PDE4A: variants seen among roughly 807,000 people sequenced by gnomAD.
The protein encoded by PDE4A is phosphodiesterase 4A, also known as 3',5'-cyclic-AMP phosphodiesterase 4A.
A neutral mutation model predicts 73.9 loss-of-function variants in PDE4A; 21 were observed. The observed-to-expected ratio is 0.28, with a 90% CI of 0.20 to 0.41. The LOEUF is 0.41. PDE4A is among the 10% of genes least tolerant of loss of function. The pLI, the probability that PDE4A is intolerant of heterozygous loss-of-function variation, is 1.00. For synonymous variants in PDE4A, 463 were observed against 505.4 expected (o/e 0.92, Z 1.13); for missense variants, 958 against 1,211.4 (o/e 0.79, Z 3.10).
At chr19:10,459,220 G>C in intron 8 of PDE4A, 180 bp from the exon 9 acceptor site, 1 of 1,050,692 alleles carries the variant, frequency 9.5e-7, no homozygotes, top group Non-Finnish European at 1.3e-6. Flanking sequence ...GGCTGTGATT[G>C]CTTTCGCTAT....
chr19:10,461,090 C>T lies in PDE4A; in HGVS notation c.1452C>T (p.Phe484=). The T allele has an allele frequency of 6.2e-7, 1 of 1,612,754 alleles. No homozygotes were observed. The highest frequency in any genetic ancestry group is 2.2e-5 in the East Asian group (1 of 44,794). The part of the protein sequence containing the change: ...DVDHPGVSNQ[F]LINTNSELAL... The stretch of plus-strand genomic sequence containing the variant: ...ATCACCCTGGGGTCTCCAACCAGTT[C>T]CTCATCAACACCAGTGAGTGGCCCT... The change falls in exon 11 of 15, where the codon TTC becomes TTT. Residue 484 remains phenylalanine (F), a synonymous_variant. Transcript: ENST00000380702.
At chr19:10,442,652 A>G (rs1237288985) in intron 1 of PDE4A, among the ~76,000 whole-genome samples, 1 of 151,814 alleles carries the variant, frequency 6.6e-6, no homozygotes, top group Non-Finnish European at 1.5e-5. Flanking sequence ...GTTACAGACT[A>G]TCCTGGGCAA....
At position 10,469,354 on chromosome 19, in the gene PDE4A, A is replaced by G. The variant is rs577036219; in HGVS notation, c.*1733A>G. The G allele has an allele frequency of 2.6e-5, 4 of 152,334 alleles. No homozygotes were observed. Among genetic ancestry groups the G allele is most frequent in the African/African-American group, 9.6e-5 (4 of 41,522 alleles). The allele number at this position is 152,334 out of a possible 1,614,324, so 9.4% of individuals were successfully genotyped here. On this transcript the variant is annotated 3_prime_UTR_variant, in exon 15 of 15. Transcript: ENST00000380702. ...TGCTGTATTATACAAACTGTACCAT[A>G]GTCCTGGGAAAAGGGTGGACTCACC...
intron 1 of PDE4A, among the ~76,000 whole-genome samples, chr19:10,444,266 G>A (rs539526084): frequency 1.3e-5 from 2 of 152,204 alleles, no homozygotes; most frequent in Admixed American, 1.3e-4. Context: ...TGTAATCCCA[G>A]CACTTTGGGA....
chr19:10,463,645 C>T, intron 13 of PDE4A, 148 bp from the exon 14 acceptor site: 4 of 1,396,622 alleles, frequency 2.9e-6, no homozygotes, highest in Non-Finnish European at 3.8e-6. Context: ...TCATGATCCA[C>T]CCGCCTCAGC....
At chr19:10,418,490 A>C (rs2042608729), upstream of PDE4A, among the ~76,000 whole-genome samples, 2 of 148,942 alleles carry the variant, frequency 1.3e-5, no homozygotes, top group Admixed American at 6.7e-5. Context: ...CGCTTTCGGC[A>C]GTTCCAATCC....
chr19:10,464,065 C>T (rs767813640), intron 14 of PDE4A, 90 bp downstream of exon 14: 76 of 1,514,478 alleles, frequency 5.0e-5, no homozygotes, highest in South Asian at 7.0e-5. Context: ...AGCTCCTCCC[C>T]TGCCTTTCCA....
intron 1 of PDE4A, among the ~76,000 whole-genome samples, chr19:10,442,811 A>G (rs2042955640): frequency 6.7e-6 from 1 of 148,720 alleles, no homozygotes; most frequent in African/African-American, 2.4e-5. Flanking sequence ...TATTACTAAT[A>G]TTACATATAT....
At chr19:10,463,395 CTTTTT>C (rs35214617) in intron 13 of PDE4A, among the ~76,000 whole-genome samples, 1 of 100,398 alleles carries the variant, frequency 1.0e-5, no homozygotes, top group African/African-American at 4.2e-5. Context: ...CAGCCCCATT[CTTTTT>C]TTTTTTTTTT....
chr19:10,436,027 G>A (rs1342073782), intron 1 of PDE4A, among the ~76,000 whole-genome samples: 1 of 152,170 alleles, frequency 6.6e-6, no homozygotes, highest in Non-Finnish European at 1.5e-5. Context: ...CGTGAGCTGA[G>A]TCCCTTGGGG....
In PDE4A at chr19:10,454,824, C is replaced by G; in HGVS notation, c.784-5C>G. 1 of 1,614,008 alleles carries G rather than the reference C, an allele frequency of 6.2e-7. No individual in the cohort carries two copies. Among genetic ancestry groups the G allele is most frequent in the Non-Finnish European group, 8.5e-7 (1 of 1,179,944 alleles). On this transcript the variant is annotated splice_region_variant and splice_polypyrimidine_tract_variant and intron_variant, in intron 6 of 14. Coordinates refer to ENST00000380702, the MANE Select transcript of PDE4A (RefSeq NM_001111307.2). ...ATTTCTTCCTTGTTGACTCCTTTAC[C>G]TTAGTTCAAAAGGATGTTGAACCGT...
At chr19:10,434,889 C>CTTTTT (rs377462932) in intron 1 of PDE4A, among the ~76,000 whole-genome samples, 8 of 107,242 alleles carry the variant, frequency 7.5e-5, no homozygotes, top group Non-Finnish European at 9.2e-5. Flanking sequence ...CTGTGCCCAG[C>CTTTTT]TTTTTTTTTT....
At chr19:10,440,182 G>A (rs566196458) in intron 1 of PDE4A, among the ~76,000 whole-genome samples, 49 of 151,484 alleles carry the variant, frequency 3.2e-4, no homozygotes, top group Non-Finnish European at 5.9e-4. Context: ...ACAGGGTTTC[G>A]GTATGTTGGC....
chr19:10,461,738 G>T, intron 12 of PDE4A, 58 bp downstream of exon 12: 1 of 1,599,942 alleles, frequency 6.3e-7, no homozygotes, highest in South Asian at 1.1e-5. Context: ...CGAGGGCTTT[G>T]GGGAGGAGTG....
At chr19:10,429,241 C>G (rs140015877) in intron 1 of PDE4A, among the ~76,000 whole-genome samples, 3 of 122,538 alleles carry the variant, frequency 2.4e-5, no homozygotes, top group Non-Finnish European at 3.3e-5. Context: ...AAGAGAGGGA[C>G]GGAGGGGAAA....
At chr19:10,441,977 C>T (rs552374143) in intron 1 of PDE4A, among the ~76,000 whole-genome samples, 3 of 152,044 alleles carry the variant, frequency 2.0e-5, no homozygotes, top group Admixed American at 6.6e-5. Flanking sequence ...AGGCATGAGC[C>T]ACCACGCCCT....
Position 10,467,235 on chromosome 19 carries a change from G to C in PDE4A, c.2275G>C (p.Glu759Gln). 1 of 1,614,216 alleles carries C rather than the reference G, an allele frequency of 6.2e-7. No individual in the cohort carries two copies. Among genetic ancestry groups the C allele is most frequent in the Non-Finnish European group, 8.5e-7 (1 of 1,180,034 alleles). ...AGCCTGGGAGGCATCCCCGGCCCAG[G>C]AGTCGTTGGAAGTTATGGCACAGGA... Reference protein sequence around the residue: ...TIAWEASPAQESLEVMAQEAS... With the variant: ...TIAWEASPAQQSLEVMAQEAS... Residue 759 changes from glutamate (E) to glutamine (Q), a missense_variant, in exon 15 of 15, where the codon GAG becomes CAG. Coordinates refer to ENST00000380702, the MANE Select transcript of PDE4A (RefSeq NM_001111307.2).
Position 10,429,242 on chromosome 19 carries a change from G to C in PDE4A, c.320+8158G>C, listed in dbSNP as rs546876054. Among the ~76,000 whole-genome samples the C allele has an allele frequency of 4.0e-5, 6 of 148,206 alleles. No homozygotes were observed. In the South Asian group the frequency reaches 1.3e-3, roughly 32 times the overall value. On this transcript the variant is annotated intron_variant, in intron 1 of 14. Coordinates refer to ENST00000380702, the MANE Select transcript of PDE4A (RefSeq NM_001111307.2). ...AAGGAAAAGAAAGAAAGAGAGGGAC[G>C]GAGGGGAAAGGAAAGGAAAGGAAAG... is the stretch of plus-strand genomic sequence containing the variant.
rs1307365440 is a variant in PDE4A at position 10,459,426 on chromosome 19, C to T, written c.1128C>T (p.Gly376=). ...AQELENLNKW[G]LNIFCVSDYA... ...AACTGGAGAACCTGAACAAGTGGGG[C>T]CTGAACATCTTTTGCGTGTCGGATT... The change falls in exon 9 of 15, where the codon GGC becomes GGT. Residue 376 remains glycine (G), a synonymous_variant. Coordinates refer to ENST00000380702, the MANE Select transcript of PDE4A (RefSeq NM_001111307.2). The T allele has an allele frequency of 6.2e-7, 1 of 1,614,242 alleles. No individual in the cohort carries two copies. The highest frequency in any genetic ancestry group is 8.5e-7 in the Non-Finnish European group (1 of 1,180,052).
Sources: gnomAD v4.1 joint callset for allele counts (sites outside exome capture counted in the v4.1 genomes callset) on GRCh38, gnomAD v4.1.1 for gene constraint, MANE v1.5 for transcripts, NCBI Gene and HGNC (gene_info 2026-07-23, HGNC 2026-07-21) for gene names.